AGBL4: variants seen among roughly 807,000 people sequenced by gnomAD.
AGBL4 encodes the protein AGBL carboxypeptidase 4, also known as cytosolic carboxypeptidase 6.
Under a neutral mutation model 66.4 loss-of-function variants are expected in AGBL4, and 58 were observed. That is an observed-to-expected ratio of 0.87 (90% CI 0.71 to 1.09). The LOEUF is 1.09. AGBL4 is among the 50% of genes least tolerant of loss of function. The probability of loss-of-function intolerance (pLI) is 0.00; values close to 1 mark genes in which losing one functional copy is unlikely to be tolerated. For missense variants in AGBL4, 579 were observed against 631.0 expected (o/e 0.92, Z 0.88); for synonymous variants, 234 against 222.9 (o/e 1.05, Z -0.44).
At chr1:49,185,683 C>T (rs919967394) in intron 4 of AGBL4, among the ~76,000 whole-genome samples, 2 of 152,060 alleles carry the variant, frequency 1.3e-5, no homozygotes, top group South Asian at 2.1e-4. Flanking sequence ...TGCTACTTCC[C>T]CCTCACACCT....
chr1:48,661,734 CA>C (rs1646110659), intron 7 of AGBL4, among the ~76,000 whole-genome samples: 1 of 152,180 alleles, frequency 6.6e-6, no homozygotes, highest in African/African-American at 2.4e-5. Context: ...GAGGTGAGCA[CA>C]GGGGTTTGGG....
chr1:49,435,838 A>T (rs566104926), intron 3 of AGBL4, among the ~76,000 whole-genome samples: 1 of 152,310 alleles, frequency 6.6e-6, no homozygotes, highest in East Asian at 1.9e-4. Flanking sequence ...TAGATTAATT[A>T]AGTTCCCCCA....
At chr1:49,609,723 T>C (rs1162042480) in intron 3 of AGBL4, among the ~76,000 whole-genome samples, 2 of 152,112 alleles carry the variant, frequency 1.3e-5, no homozygotes, top group Non-Finnish European at 2.9e-5. Flanking sequence ...TAGTACCCAA[T>C]AGGTAGCTGT....
chr1:49,696,837 G>A (rs555493243), intron 3 of AGBL4, among the ~76,000 whole-genome samples: 4 of 152,082 alleles, frequency 2.6e-5, no homozygotes, highest in Non-Finnish European at 5.9e-5. Context: ...AGCAGCCAAA[G>A]CAAAGGGAAA....
chr1:49,631,855 A>G (rs1019291349), intron 3 of AGBL4, among the ~76,000 whole-genome samples: 3 of 152,210 alleles, frequency 2.0e-5, no homozygotes, highest in Non-Finnish European at 4.4e-5. Flanking sequence ...AAAGTTGGCC[A>G]TCAGAAAAGT....
intron 6 of AGBL4, among the ~76,000 whole-genome samples, chr1:48,691,649 T>G (rs148479415): frequency 1.3e-5 from 2 of 152,164 alleles, no homozygotes; most frequent in Non-Finnish European, 2.9e-5. Context: ...ACTGCCATGA[T>G]CATTTGCATA....
intron 5 of AGBL4, among the ~76,000 whole-genome samples, chr1:48,930,288 T>G (rs1271692956): frequency 1.3e-5 from 2 of 152,082 alleles, no homozygotes; most frequent in African/African-American, 2.4e-5. Flanking sequence ...ATTTTCTACT[T>G]TTTTCTTCCC....
At chr1:48,701,889 C>G (rs531515539) in intron 6 of AGBL4, among the ~76,000 whole-genome samples, 3 of 152,098 alleles carry the variant, frequency 2.0e-5, no homozygotes, top group African/African-American at 7.2e-5. Flanking sequence ...AGTTAATGAA[C>G]GAATGAAGCA....
chr1:48,695,498 T>C (rs1316107037), intron 6 of AGBL4, among the ~76,000 whole-genome samples: 2 of 152,230 alleles, frequency 1.3e-5, no homozygotes, highest in Non-Finnish European at 2.9e-5. Context: ...ATTAACACAA[T>C]GGCCTCAGGA....
At chr1:49,992,233 A>G (rs532937971) in intron 1 of AGBL4, among the ~76,000 whole-genome samples, 1 of 152,128 alleles carries the variant, frequency 6.6e-6, no homozygotes, top group South Asian at 2.1e-4. Context: ...TTAGCCGGGC[A>G]TGGTAGTGGG....
At chr1:49,530,857 C>A (rs919479600) in intron 3 of AGBL4, among the ~76,000 whole-genome samples, 3 of 151,994 alleles carry the variant, frequency 2.0e-5, no homozygotes, top group Non-Finnish European at 4.4e-5. Context: ...ATCCTGCATC[C>A]TATCTCATAC....
chr1:48,921,999 C>G (rs1460953314), intron 5 of AGBL4, among the ~76,000 whole-genome samples: 1 of 152,138 alleles, frequency 6.6e-6, no homozygotes, highest in Non-Finnish European at 1.5e-5. Context: ...CAGCAAATTA[C>G]TGGGTACAAA....
At chr1:49,878,720 A>G (rs1038322362) in intron 1 of AGBL4, among the ~76,000 whole-genome samples, 3 of 150,128 alleles carry the variant, frequency 2.0e-5, no homozygotes, top group Non-Finnish European at 3.0e-5. Flanking sequence ...ATCGTTGTTG[A>G]CTTTCTGTCT....
At position 49,287,363 on chromosome 1, in the gene AGBL4, G is replaced by A. The variant is rs1362566953; in HGVS notation, c.283-41499C>T. On this transcript the variant is annotated intron_variant, in intron 3 of 13. Transcript: ENST00000371839. ...GCAACAAAAGCCAAAATTGACAAAT[G>A]GGATCTAATTAAACTCAAGAGCTTC... 1.1e-4 allele frequency among the ~76,000 whole-genome samples: 16 copies of A among 148,008 alleles called. No homozygotes were observed. The South Asian group carries it at 3.6e-3, about 33-fold the overall frequency.
chr1:48,592,437 T>C (rs548917512), intron 9 of AGBL4, among the ~76,000 whole-genome samples: 4 of 152,340 alleles, frequency 2.6e-5, no homozygotes, highest in African/African-American at 9.6e-5. Flanking sequence ...TGAAAAATTA[T>C]GTCTTGCCAA....
chr1:48,839,472 T>C (rs1333031513), intron 6 of AGBL4, among the ~76,000 whole-genome samples: 2 of 152,072 alleles, frequency 1.3e-5, no homozygotes, highest in African/African-American at 4.8e-5. Context: ...ATAAGCCAAG[T>C]ACAGAAAGAC....
At chr1:48,983,684 TCTGGTCATGGTTCAGCCACTTA>T (rs1283184143) in intron 5 of AGBL4, among the ~76,000 whole-genome samples, 7 of 152,202 alleles carry the variant, frequency 4.6e-5, no homozygotes, top group African/African-American at 1.7e-4. Flanking sequence ...GAATTTGGGT[TCTGGTCATGGTTCAGCCACTTA>T]CTAGCTGTGA....
intron 4 of AGBL4, among the ~76,000 whole-genome samples, chr1:49,114,576 C>A (rs1645477416): frequency 6.6e-6 from 1 of 152,136 alleles, no homozygotes; most frequent in Non-Finnish European, 1.5e-5. Context: ...GTGGAAGAAG[C>A]CTATCTTTCT....
At chr1:49,641,916 G>T (rs369616514) in intron 3 of AGBL4, among the ~76,000 whole-genome samples, 1 of 151,960 alleles carries the variant, frequency 6.6e-6, no homozygotes, top group Non-Finnish European at 1.5e-5. Context: ...CATTGCTATT[G>T]TGATGGCATG....
Sources: allele counts gnomAD v4.1 joint callset (sites outside exome capture counted in the v4.1 genomes callset), GRCh38; gene constraint gnomAD v4.1.1; transcripts MANE v1.5; gene names NCBI Gene and HGNC (gene_info 2026-07-23, HGNC 2026-07-21).